The following SAP30BP variants were observed in gnomAD, a reference collection of about 807,000 sequenced individuals.
SAP30BP encodes the protein SAP30-binding protein.
In SAP30BP, 31 loss-of-function variants were observed where a neutral mutation model predicts 46.3. The ratio of observed to expected loss-of-function variants is 0.67; its 90% CI spans 0.50 to 0.90. The LOEUF (loss-of-function observed/expected upper bound fraction) is 0.90, where lower values mean the gene tolerates loss of function less well. Among genes scored for constraint, SAP30BP ranks in the 40% least tolerant of loss-of-function variants. SAP30BP has a pLI of 0.00. For missense variants in SAP30BP, 312 were observed against 391.0 expected (o/e 0.80, Z 1.70); for synonymous variants, 169 against 144.2 (o/e 1.17, Z -1.23).
Position 75,668,574 on chromosome 17 carries a change from G to T in SAP30BP, c.165G>T (p.Gly55=), listed in dbSNP as rs762915524. 1 of 1,606,578 alleles carries T rather than the reference G, an allele frequency of 6.2e-7. No individual in the cohort carries two copies. The highest frequency in any genetic ancestry group is 8.5e-7 in the Non-Finnish European group (1 of 1,177,108). ...AYGEDDFSRL[G]GDEDGYEEEE... ...GGGAGGATGACTTTTCTCGTCTAGG[G>T]GGTGATGAAGATGGTTATGAAGAAG... The change falls in exon 2 of 11, where the codon GGG becomes GGT. Residue 55 remains glycine, a synonymous_variant. Coordinates refer to ENST00000584667, the MANE Select transcript of SAP30BP (RefSeq NM_013260.8).
chr17:75,683,410 T>C (rs939572821), intron 3 of SAP30BP: 7 of 151,956 alleles, frequency 4.6e-5, no homozygotes, highest in Non-Finnish European at 1.0e-4. Flanking sequence ...TAAAAACCCA[T>C]TGAGATCTAC....
chr17:75,697,023 C>T (rs1053910554), intron 4 of SAP30BP, among the ~76,000 whole-genome samples: 1 of 152,134 alleles, frequency 6.6e-6, no homozygotes, highest in African/African-American at 2.4e-5. Flanking sequence ...GTGATCCGCC[C>T]GCCTCGGCCT....
chr17:75,669,079 C>CTT (rs1387713180), intron 2 of SAP30BP, among the ~76,000 whole-genome samples: 6 of 143,182 alleles, frequency 4.2e-5, no homozygotes, highest in Admixed American at 1.4e-4. Context: ...TTTTTCTTTT[C>CTT]TTTTTTTTTT....
At chr17:75,702,394 A>G (rs1278888064) in intron 5 of SAP30BP, 86 bp from the exon 6 acceptor site, 2 of 600,884 alleles carry the variant, frequency 3.3e-6, no homozygotes, top group East Asian at 2.8e-5. Flanking sequence ...TTCATGCTGC[A>G]CATGTAGCTG....
chr17:75,698,473 T>C (rs188319722), intron 4 of SAP30BP, among the ~76,000 whole-genome samples: 111 of 152,354 alleles, frequency 7.3e-4, no homozygotes, highest in Admixed American at 1.6e-3. Flanking sequence ...ACCTCTGAGT[T>C]TCCAAAATCT....
chr17:75,702,456 C>T (rs779738668), intron 5 of SAP30BP, 24 bp from the exon 6 acceptor site: 6 of 1,138,246 alleles, frequency 5.3e-6, no homozygotes, highest in South Asian at 2.6e-5. Flanking sequence ...TACACCCCCC[C>T]ACCCCCTCTG....
chr17:75,676,910 G>A (rs145092517), intron 3 of SAP30BP, among the ~76,000 whole-genome samples: 2 of 152,124 alleles, frequency 1.3e-5, no homozygotes, highest in East Asian at 1.9e-4. Context: ...GCATCTACTG[G>A]GAATCTTGGA....
chr17:75,678,590 A>G (rs766440882), intron 3 of SAP30BP, among the ~76,000 whole-genome samples: 4 of 152,080 alleles, frequency 2.6e-5, no homozygotes, highest in Non-Finnish European at 5.9e-5. Context: ...GTTCAGTAGC[A>G]TTGGCTGAAC....
chr17:75,703,270 C>T (rs765638657), intron 6 of SAP30BP, 41 bp from the exon 7 acceptor site: 19 of 1,601,502 alleles, frequency 1.2e-5, no homozygotes, highest in South Asian at 7.7e-5. Flanking sequence ...CATGCAGGGA[C>T]GTGGACTTGT....
At chr17:75,688,489 CTG>C (rs1325805176) in intron 3 of SAP30BP, among the ~76,000 whole-genome samples, 5 of 152,154 alleles carry the variant, frequency 3.3e-5, no homozygotes, top group Non-Finnish European at 2.9e-5. Context: ...AGTGCTTTCT[CTG>C]TGCCCGCTAC....
At chr17:75,702,915 T>C in intron 6 of SAP30BP, 1 of 307,842 alleles carries the variant, frequency 3.2e-6, no homozygotes, top group East Asian at 5.8e-5. Flanking sequence ...AGGTTCATCT[T>C]CCAACTCTAA....
intron 1 of SAP30BP, 65 bp downstream of exon 1, chr17:75,667,543 TG>T: frequency 6.9e-7 from 1 of 1,453,596 alleles, no homozygotes; most frequent in Non-Finnish European, 9.6e-7. Flanking sequence ...GTACCCTCGC[TG>T]GGCGGGAGGG....
At chr17:75,672,302 C>CTT (rs1454501015) in intron 3 of SAP30BP, 2 of 176,568 alleles carry the variant, frequency 1.1e-5, no homozygotes, top group Non-Finnish European at 2.5e-5. Flanking sequence ...AATGAGGCCT[C>CTT]TCCCCAGCTC....
At chr17:75,699,699 A>G in intron 4 of SAP30BP, 84 bp from the exon 5 acceptor site, 1 of 915,614 alleles carries the variant, frequency 1.1e-6, no homozygotes, top group Non-Finnish European at 1.8e-6. Flanking sequence ...ACCTGATAAC[A>G]TTTTATGTGC....
At chr17:75,697,845 C>T (rs2060346053) in intron 4 of SAP30BP, among the ~76,000 whole-genome samples, 1 of 152,174 alleles carries the variant, frequency 6.6e-6, no homozygotes, top group African/African-American at 2.4e-5. Context: ...GATCAAAGCA[C>T]CTTGTCTACT....
intron 4 of SAP30BP, among the ~76,000 whole-genome samples, chr17:75,695,478 C>G (rs945191805): frequency 6.6e-6 from 1 of 152,218 alleles, no homozygotes; most frequent in Non-Finnish European, 1.5e-5. Flanking sequence ...TAATATTTCA[C>G]TGTAGGGATA....
intron 3 of SAP30BP, chr17:75,692,518 G>A: frequency 1.0e-6 from 1 of 985,476 alleles, no homozygotes; most frequent in African/African-American, 1.7e-5. Context: ...CCCAGAAATG[G>A]GGGAAACAGG....
chr17:75,704,994 C>T (rs1484487078), intron 9 of SAP30BP, 180 bp downstream of exon 9: 12 of 594,690 alleles, frequency 2.0e-5, no homozygotes, highest in East Asian at 1.7e-4. Flanking sequence ...TCACGGCGCT[C>T]GTCTGCTGCT....
intron 3 of SAP30BP, chr17:75,684,558 A>C (rs1463452000): frequency 6.6e-6 from 1 of 152,218 alleles, no homozygotes; most frequent in Admixed American, 6.5e-5. Flanking sequence ...GCCTTGAACT[A>C]TTGAGAATGC....
Sources: gnomAD v4.1 joint callset for allele counts (sites outside exome capture counted in the v4.1 genomes callset) on GRCh38, gnomAD v4.1.1 for gene constraint, MANE v1.5 for transcripts, NCBI Gene and HGNC (gene_info 2026-07-23, HGNC 2026-07-21) for gene names.